Variants in FAIM2 observed in about 807,000 individuals in gnomAD.
FAIM2 encodes Fas apoptotic inhibitory molecule 2, also known as protein lifeguard 2.
FAIM2 carries 27 observed loss-of-function variants against 47.4 expected under a neutral mutation model. That is an observed-to-expected ratio of 0.57 (90% confidence interval 0.42 to 0.78). FAIM2 has a LOEUF of 0.78. FAIM2 is among the 30% of genes least tolerant of loss of function. The pLI is 0.00. For synonymous variants in FAIM2, 156 were observed against 159.3 expected, an observed-to-expected ratio of 0.98 and a Z score of 0.16; for missense variants, 311 against 389.4, an observed-to-expected ratio of 0.80 and a Z score of 1.69.
At chr12:49,891,513 G>A (rs1033182747) in intron 5 of FAIM2, among the ~76,000 whole-genome samples, 5 of 152,134 alleles carry the variant, frequency 3.3e-5, no homozygotes, top group South Asian at 2.1e-4. Flanking sequence ...GCTGAGGCAC[G>A]GGGAGGTCAG....
chr12:49,869,248 G>A lies in FAIM2; in HGVS notation c.*1256C>T, dbSNP rs1359435030. 1 of 152,878 alleles carries A rather than the reference G, an allele frequency of 6.5e-6. No homozygotes were observed. Among genetic ancestry groups the A allele is most frequent in the Non-Finnish European group, 1.5e-5 (1 of 68,266 alleles). 9.5% of individuals were successfully genotyped at this position (152,878 alleles called of 1,614,324 possible). A position where few individuals can be genotyped will look rare whatever the true frequency, so the allele number is the denominator to read the frequency against. On this transcript the variant is annotated 3_prime_UTR_variant, in exon 12 of 12. Transcript: ENST00000320634. ...CCAGCCGCCTGGAAGCTGATAAGGA[G>A]CCCTGGCCTCATTACATGGGACCAG...
intron 8 of FAIM2, among the ~76,000 whole-genome samples, 169 bp downstream of exon 8, chr12:49,889,948 C>G (rs1946887968): frequency 1.3e-5 from 2 of 152,144 alleles, no homozygotes; most frequent in Non-Finnish European, 2.9e-5. Context: ...GGTCACTGTC[C>G]AGCTGAGTGC....
chr12:49,890,626 C>T, intron 7 of FAIM2, 57 bp downstream of exon 7: 1 of 1,532,980 alleles, frequency 6.5e-7, no homozygotes, highest in Non-Finnish European at 9.0e-7. Context: ...CACCCTGCTT[C>T]CCTTCTTCCT....
rs1332496547 is a variant in FAIM2 at position 49,898,010 on chromosome 12, C to A, written c.292G>T (p.Val98Phe). 6.2e-7 allele frequency: 1 copy of A among 1,614,000 alleles called. No individual in the cohort carries two copies. The highest frequency in any genetic ancestry group is 1.1e-5 in the South Asian group (1 of 91,068). Residue 98 changes from valine to phenylalanine, a missense_variant, in exon 3 of 12, where the codon GTT becomes TTT. Physicochemically the swap from Val to Phe is conservative, Grantham distance 50. Transcript: ENST00000320634. ...FTTFSWDDQK[V>F]RRVFVRKVYT... ...ACCTTTCTGACAAAGACTCGACGAA[C>A]TTTCTGGTCATCCCAGCTGAAAGTG...
chr12:49,884,369 G>A (rs1946846530), intron 11 of FAIM2, among the ~76,000 whole-genome samples: 2 of 152,156 alleles, frequency 1.3e-5, no homozygotes, highest in South Asian at 4.1e-4. Flanking sequence ...GCTGTATATG[G>A]GGAGCAGGGA....
chr12:49,877,944 AT>A (rs2137082327), intron 11 of FAIM2, among the ~76,000 whole-genome samples: 1 of 149,572 alleles, frequency 6.7e-6, no homozygotes, highest in African/African-American at 2.5e-5. Context: ...ATGTGTGTAT[AT>A]GTGCGTATGT....
chr12:49,874,808 G>A lies in FAIM2; in HGVS notation c.802-4155C>T, dbSNP rs1946724968. ...CCCCCAGGCTGTTGTTTACAGCATT[G>A]GTTCTAACAGTGAGATGCTGAAACA... On this transcript the variant is annotated intron_variant, in intron 11 of 11. Coordinates refer to ENST00000320634, the MANE Select transcript of FAIM2 (RefSeq NM_012306.4). The surrounding 1 kb of genome is among the most constrained non-coding windows in gnomAD (Gnocchi z 4.2). Among the ~76,000 whole-genome samples the A allele has an allele frequency of 6.6e-6, 1 of 152,180 alleles. No homozygotes were observed. Among genetic ancestry groups the A allele is most frequent in the Admixed American group, 6.5e-5 (1 of 15,276 alleles).
chr12:49,899,691 AG>A (rs1820077003), intron 2 of FAIM2, among the ~76,000 whole-genome samples: 1 of 152,194 alleles, frequency 6.6e-6, no homozygotes, highest in African/African-American at 2.4e-5. Flanking sequence ...TAGGTGGGTT[AG>A]GTAAGGTGCT....
chr12:49,889,752 C>A (rs77687604), intron 8 of FAIM2, among the ~76,000 whole-genome samples, 184 bp from the exon 9 acceptor site: 1,929 of 152,276 alleles, frequency 0.013, 46 homozygotes, highest in African/African-American at 0.044. Flanking sequence ...CCCCTCCCAA[C>A]AGGCTTAGAC....
chr12:49,889,485 G>A lies in FAIM2; in HGVS notation c.647C>T (p.Thr216Ile). The A allele has an allele frequency of 6.2e-7, 1 of 1,613,846 alleles. No individual in the cohort carries two copies. The highest frequency in any genetic ancestry group is 8.5e-7 in the Non-Finnish European group (1 of 1,179,770). Reference sequence around the variant, plus strand: ...CCTGCAGGCCCCAGAGCTGACCTTGGTCTGGAAGCTGAAGACGGTGACTGA... The same window carrying A: ...CCTGCAGGCCCCAGAGCTGACCTTGATCTGGAAGCTGAAGACGGTGACTGA... ...CLSVTVFSFQTKFDFTSCQGV... is the reference protein window; with the variant it reads ...CLSVTVFSFQIKFDFTSCQGV... The change falls in exon 9 of 12, where the codon ACC becomes ATC. Residue 216 changes from threonine (T) to isoleucine (I), a missense_variant. Physicochemically the swap from Thr to Ile is moderately conservative, Grantham distance 89. Coordinates refer to ENST00000320634, the MANE Select transcript of FAIM2 (RefSeq NM_012306.4).
chr12:49,895,537 A>G (rs1946930308), intron 5 of FAIM2, among the ~76,000 whole-genome samples: 1 of 152,206 alleles, frequency 6.6e-6, no homozygotes, highest in South Asian at 2.1e-4. Context: ...CCAACCTGCC[A>G]CATGGGCTGG....
At chr12:49,897,469 G>C in intron 4 of FAIM2, 50 bp downstream of exon 4, 3 of 1,553,866 alleles carry the variant, frequency 1.9e-6, no homozygotes, top group Non-Finnish European at 2.7e-6. Context: ...CCGGCTCCAG[G>C]CCTGGCCATA....
rs748131765 is a variant in FAIM2, at chr12:49,901,262, C to T, written c.79G>A (p.Glu27Lys). 38 of 1,610,052 alleles carry T rather than the reference C, an allele frequency of 2.4e-5. No homozygotes were observed. Among genetic ancestry groups the T allele is most frequent in the African/African-American group, 4.0e-5 (3 of 74,640 alleles). ...GGGGCTGAGGGCACTGCTGGAGCCT[C>T]CTTCTTCTCGCCATGCACCTGCTGC... ...GQQQVHGEKK[E>K]APAVPSAPPS... Residue 27 changes from glutamate (E) to lysine (K), a missense_variant, in exon 2 of 12, where the codon GAG becomes AAG. Glu to Lys is a moderately conservative substitution (Grantham distance 56). Coordinates refer to ENST00000320634, the MANE Select transcript of FAIM2 (RefSeq NM_012306.4).
At chr12:49,877,624 G>GTCAT (rs1555157728) in intron 11 of FAIM2, among the ~76,000 whole-genome samples, 1 of 10,220 alleles carries the variant, frequency 9.8e-5, no homozygotes, top group African/African-American at 1.0e-3. Context: ...TAGAAAAGCA[G>GTCAT]GGTGAGGGGT....
At chr12:49,887,554 C>T in intron 10 of FAIM2, 115 bp from the exon 11 acceptor site, 1 of 875,020 alleles carries the variant, frequency 1.1e-6, no homozygotes, top group Non-Finnish European at 1.8e-6. Context: ...GCCCAGAGCT[C>T]CCTAAGGAGC....
Position 49,870,334 on chromosome 12 carries a change from A to G in FAIM2, c.*170T>C, listed in dbSNP as rs1406018806. 1.6e-6 allele frequency: 1 copy of G among 611,772 alleles called. No individual in the cohort carries two copies. 37.9% of individuals were successfully genotyped at this position (611,772 alleles called of 1,614,324 possible). A position where few individuals can be genotyped will look rare whatever the true frequency, so the allele number is the denominator to read the frequency against. ...GTGGCCTCAGTTCCTCAGGGTCCCC[A>G]TGGCGTATGTACAAGCGGCAGAGGG... On this transcript the variant is annotated 3_prime_UTR_variant, in exon 12 of 12. Transcript: ENST00000320634.
At chr12:49,896,406 C>G (rs139614818) in intron 5 of FAIM2, among the ~76,000 whole-genome samples, 19 of 152,142 alleles carry the variant, frequency 1.2e-4, no homozygotes, top group Non-Finnish European at 2.6e-4. Context: ...CTGCAGGGAG[C>G]CTGCCAAGTA....
Position 49,878,435 on chromosome 12 carries a change from AGT to A in FAIM2, c.802-7784_802-7783del, listed in dbSNP as rs796591641. ...GAGTGTATGTGTGTGTATATGTGCA[AGT>A]GTGTGTCTGAGTGAATGTGTATGCA... On this transcript the variant is annotated intron_variant, in intron 11 of 11. Coordinates refer to ENST00000320634, the MANE Select transcript of FAIM2 (RefSeq NM_012306.4). Among the ~76,000 whole-genome samples, 230 of 93,438 alleles carry A rather than the reference AGT, an allele frequency of 2.5e-3. 32 individuals are homozygous for A. The South Asian group carries it at 0.029, about 12-fold the overall frequency. The allele number at this position is 93,438 out of a possible 152,430, so 61.3% of individuals were successfully genotyped here. A position where few individuals can be genotyped will look rare whatever the true frequency, so the allele number is the denominator to read the frequency against.
chr12:49,894,745 G>A (rs905047202), intron 5 of FAIM2, among the ~76,000 whole-genome samples: 5 of 152,196 alleles, frequency 3.3e-5, no homozygotes. Flanking sequence ...CCATCAGAAA[G>A]ACCTGGATTT....
Sources: gnomAD v4.1 joint callset for allele counts (sites outside exome capture counted in the v4.1 genomes callset) on GRCh38, gnomAD v4.1.1 for gene constraint, Gnocchi (gnomAD v3.1) non-coding constraint, MANE v1.5 for transcripts, NCBI Gene and HGNC (gene_info 2026-07-23, HGNC 2026-07-21) for gene names.